HR: variants seen among roughly 807,000 people sequenced by gnomAD.
HR encodes HR lysine demethylase and nuclear receptor corepressor, also known as lysine-specific demethylase hairless.
HR carries 83 observed loss-of-function variants against 128.6 expected under a neutral mutation model. The observed-to-expected ratio is 0.65, with a 90% confidence interval of 0.54 to 0.77. The LOEUF (loss-of-function observed/expected upper bound fraction) is 0.77. Among genes scored for constraint, HR ranks in the 30% least tolerant of loss-of-function variants. HR has a pLI of 0.00. For missense variants in HR, 1,490 were observed against 1,574.6 expected (o/e 0.95, Z 0.91); for synonymous variants, 681 against 658.2 (o/e 1.03, Z -0.53).
In HR at chr8:22,128,995, G is replaced by A. The variant is rs1157499508; in HGVS notation, c.176C>T (p.Ser59Phe). Residue 59 changes from serine to phenylalanine, a missense_variant, in exon 2 of 19, where the codon TCC becomes TTC. Coordinates refer to ENST00000381418, the MANE Select transcript of HR (RefSeq NM_005144.5). Reference sequence around the variant, plus strand: ...CTGGGGGAAGCCAGGGGGAAGCCAGGAGTCTGGGGTGCTCAGGACGCCCCT... The same window carrying A: ...CTGGGGGAAGCCAGGGGGAAGCCAGAAGTCTGGGGTGCTCAGGACGCCCCT... ...FWRGVLSTPDSWLPPGFPQGP... is the reference protein window; with the variant it reads ...FWRGVLSTPDFWLPPGFPQGP... 6.2e-7 allele frequency: 1 copy of A among 1,613,046 alleles called. No homozygotes were observed. The highest frequency in any genetic ancestry group is 1.7e-5 in the Admixed American group (1 of 60,000).
In HR at chr8:22,115,741, C is replaced by G. The variant is rs780044582; in HGVS notation, c.3529G>C (p.Ala1177Pro). 9 of 1,613,988 alleles carry G rather than the reference C, an allele frequency of 5.6e-6. No homozygotes were observed. Among genetic ancestry groups the G allele is most frequent in the Non-Finnish European group, 7.6e-6 (9 of 1,180,004 alleles). The change falls in exon 19 of 19, where the codon GCA becomes CCA. Residue 1177 changes from alanine (A) to proline (P), a missense_variant. Physicochemically the swap from Ala to Pro is conservative, Grantham distance 27 (BLOSUM62 -1). This residue lies in a region of HR where 423 missense variants were observed against 495.9 expected (regional missense o/e 0.85). Coordinates refer to ENST00000381418, the MANE Select transcript of HR (RefSeq NM_005144.5). ...YAQMDWAVFQ[A>P]VKVAVGTLQE... ...AATGTCCCCACGGCCACCTTCACTG[C>G]TTGGAACACAGCCCAGTCCATCTAG...
intron 2 of HR, 71 bp from the exon 3 acceptor site, chr8:22,127,900 G>A (rs1200501697): frequency 7.1e-7 from 1 of 1,415,232 alleles, no homozygotes; most frequent in Admixed American, 1.7e-5. Context: ...GGGCAGAACT[G>A]ACAAGCAAGA....
chr8:22,115,615 T>A lies in HR; in HGVS notation c.*85A>T. 1.7e-6 allele frequency: 2 copies of A among 1,152,630 alleles called. No homozygotes were observed. Among genetic ancestry groups the A allele is most frequent in the Non-Finnish European group, 2.6e-6 (2 of 765,518 alleles). The allele number at this position is 1,152,630 out of a possible 1,614,324, so 71.4% of individuals were successfully genotyped here. ...GTTGACCAGAAATCCCCAAGTCCCC[T>A]AGCGCCATCCCCTGCTGAAGTTGTG... On this transcript the variant is annotated 3_prime_UTR_variant, in exon 19 of 19. Transcript: ENST00000381418.
rs770918974 is a variant in HR, at chr8:22,128,601, C to T, written c.570G>A (p.Gly190=). The T allele has an allele frequency of 1.9e-6, 3 of 1,608,822 alleles. No homozygotes were observed. Among genetic ancestry groups the T allele is most frequent in the South Asian group, 1.1e-5 (1 of 89,916 alleles). ...PLTPHPWVYS[G]GQPKVPSAFS... ...AGGCAGAGGGCACTTTGGGCTGGCC[C>T]CCGGAGTATACCCAGGGGTGCGGGG... is the stretch of plus-strand genomic sequence containing the variant. Residue 190 remains glycine, a synonymous_variant, in exon 2 of 19, where the codon GGG becomes GGA. Transcript: ENST00000381418.
At position 22,116,463 on chromosome 8, in the gene HR, A is replaced by G. The variant is rs774645701; in HGVS notation, c.3379-35T>C. On this transcript the variant is annotated intron_variant, in intron 17 of 18. Coordinates refer to ENST00000381418, the MANE Select transcript of HR (RefSeq NM_005144.5). The surrounding 1 kb of genome is among the most constrained non-coding windows in gnomAD (Gnocchi z 4.2). Reference sequence around the variant, plus strand: ...GGGGACATGGACAGTGAGGCTCAAGATCACACATCCTCTCCCTGTCCCCCT... The same window carrying G: ...GGGGACATGGACAGTGAGGCTCAAGGTCACACATCCTCTCCCTGTCCCCCT... 1 of 1,608,422 alleles carries G rather than the reference A, an allele frequency of 6.2e-7. No homozygotes were observed. Among genetic ancestry groups the G allele is most frequent in the Admixed American group, 1.7e-5 (1 of 59,510 alleles).
intron 14 of HR, 50 bp from the exon 15 acceptor site, chr8:22,119,333 G>T (rs776619623): frequency 6.2e-7 from 1 of 1,611,038 alleles, no homozygotes; most frequent in Non-Finnish European, 8.5e-7. Context: ...AGAGAGCCAG[G>T]CGCGGTTGCT....
Position 22,123,801 on chromosome 8 carries a change from G to A in HR, c.1763C>T (p.Ala588Val), listed in dbSNP as rs1345142472. 2 of 1,600,338 alleles carry A rather than the reference G, an allele frequency of 1.2e-6. No homozygotes were observed. The highest frequency in any genetic ancestry group is 1.1e-5 in the South Asian group (1 of 89,028). Residue 588 changes from alanine to valine, a missense_variant, in exon 6 of 19, where the codon GCC becomes GTC. Physicochemically the swap from Ala to Val is moderately conservative, Grantham distance 64. Around this residue, in one of 3 missense-constraint regions of HR, gnomAD observed 1,060 missense variants for 1,060.9 expected, o/e 1.00. Transcript: ENST00000381418. ...AWAQREGQGP[A>V]VTEDSPGIPR... is the part of the protein sequence containing the mutation. ...AATGCCTGGGCTGTCCTCTGTCACG[G>A]CTGGCCCTTGGCCTGCTGACCACGG...
chr8:22,120,623 C>A (rs1216476445), intron 11 of HR, 93 bp downstream of exon 11: 3 of 1,572,482 alleles, frequency 1.9e-6, no homozygotes, highest in Non-Finnish European at 2.6e-6. Flanking sequence ...CCTGCTCCCC[C>A]TGAGCCACTG....
rs942852585 is a variant in HR, at chr8:22,115,126, G to A, written c.*574C>T. 1 of 162,298 alleles carries A rather than the reference G, an allele frequency of 6.2e-6. No homozygotes were observed. The highest frequency in any genetic ancestry group is 2.4e-5 in the African/African-American group (1 of 41,694). 10.1% of individuals were successfully genotyped at this position (162,298 alleles called of 1,614,324 possible). ...AGGAGGGAAGCGGGCGGACCGGGAA[G>A]GGGCTGAGTGACATCGCCCATGCCG... On this transcript the variant is annotated 3_prime_UTR_variant, in exon 19 of 19. Coordinates refer to ENST00000381418, the MANE Select transcript of HR (RefSeq NM_005144.5).
At chr8:22,126,797 A>G (rs1826903012) in intron 3 of HR, among the ~76,000 whole-genome samples, 1 of 152,228 alleles carries the variant, frequency 6.6e-6, no homozygotes, top group Non-Finnish European at 1.5e-5. Context: ...GCTCTGAACT[A>G]TGTCATTATA....
chr8:22,121,628 T>C lies in HR; in HGVS notation c.2188A>G (p.Lys730Glu). The C allele has an allele frequency of 1.2e-6, 2 of 1,614,132 alleles. No individual in the cohort carries two copies. The highest frequency in any genetic ancestry group is 8.5e-7 in the Non-Finnish European group (1 of 1,180,028). ...PSCNGDTHRT[K>E]SIKEETPDSA... ...AGCCGCTCACCCTCTTTGATGCTCTTGGTCCTGTGGGTGTCGCCATTGCAG... is the reference window on the plus strand; with the variant it reads ...AGCCGCTCACCCTCTTTGATGCTCTCGGTCCTGTGGGTGTCGCCATTGCAG... The change falls in exon 9 of 19, where the codon AAG (lysine) becomes GAG (glutamate). Residue 730 changes from lysine (K) to glutamate (E), a missense_variant. Around this residue, in one of 3 missense-constraint regions of HR, gnomAD observed 1,060 missense variants for 1,060.9 expected, o/e 1.00. Coordinates refer to ENST00000381418, the MANE Select transcript of HR (RefSeq NM_005144.5).
At position 22,127,430 on chromosome 8, in the gene HR, G is replaced by A. The variant is rs1053514161; in HGVS notation, c.1012C>T (p.Leu338Phe). 1 of 1,612,740 alleles carries A rather than the reference G, an allele frequency of 6.2e-7. No individual in the cohort carries two copies. Residue 338 changes from leucine (L) to phenylalanine (F), a missense_variant, in exon 3 of 19, where the codon CTT becomes TTT. Physicochemically the swap from Leu to Phe is conservative, Grantham distance 22. Coordinates refer to ENST00000381418, the MANE Select transcript of HR (RefSeq NM_005144.5). Reference sequence around the variant, plus strand: ...TCCTGGCACTTCCCACAAGGGCCAAGACCCCCACCTTTAGTGGGTGGGTAG... The same window carrying A: ...TCCTGGCACTTCCCACAAGGGCCAAAACCCCCACCTTTAGTGGGTGGGTAG... ...SSYPPTKGGG[L>F]GPCGKCQEGL...
rs1220124399 is a variant in HR, at chr8:22,120,535, A to G, written c.2611-28T>C. The G allele has an allele frequency of 2.5e-6, 4 of 1,612,566 alleles. No homozygotes were observed. The African/African-American group carries it at 5.3e-5, about 22-fold the overall frequency. On this transcript the variant is annotated intron_variant, in intron 11 of 18. Transcript: ENST00000381418. ...GTGGTGGGAAAGGAAGGAGGCCATG[A>G]GGAGAATGGCCAGGGTGCCCGCCAT...
Position 22,116,819 on chromosome 8 carries a change from TG to T in HR, c.3378+55del. ...GATGTTGGATGCCTGCGGCCTTGAT[TG>T]GGTCGCTTCTGCCATCCTGATCTCC... On this transcript the variant is annotated intron_variant, in intron 17 of 18. Transcript: ENST00000381418. This position sits in a 1 kb window ranked among gnomAD's most constrained non-coding sequence, Gnocchi z 4.2. The T allele has an allele frequency of 6.5e-7, 1 of 1,540,902 alleles. No homozygotes were observed.
Position 22,115,604 on chromosome 8 carries a change from C to T in HR, c.*96G>A, listed in dbSNP as rs1056944954. ...GTGCTTGTGGGGTTGACCAGAAATC[C>T]CCAAGTCCCCTAGCGCCATCCCCTG... On this transcript the variant is annotated 3_prime_UTR_variant, in exon 19 of 19. Coordinates refer to ENST00000381418, the MANE Select transcript of HR (RefSeq NM_005144.5). 9.2e-7 allele frequency: 1 copy of T among 1,092,560 alleles called. No homozygotes were observed. The highest frequency in any genetic ancestry group is 1.4e-6 in the Non-Finnish European group (1 of 716,640). The allele number at this position is 1,092,560 out of a possible 1,614,324, so 67.7% of individuals were successfully genotyped here. A position where few individuals can be genotyped will look rare whatever the true frequency, so the allele number is the denominator to read the frequency against.
In HR at chr8:22,119,083, C is replaced by G; in HGVS notation, c.3098-18G>C. 4.3e-6 allele frequency: 7 copies of G among 1,613,570 alleles called. No individual in the cohort carries two copies. Among genetic ancestry groups the G allele is most frequent in the Non-Finnish European group, 5.9e-6 (7 of 1,179,930 alleles). ...AAGGAAGTCTGAGGAGGAAAGAGCGCTCAGGCAGGCCCAGGGCTGGTGGCG... is the reference window on the plus strand; with the variant it reads ...AAGGAAGTCTGAGGAGGAAAGAGCGGTCAGGCAGGCCCAGGGCTGGTGGCG... On this transcript the variant is annotated intron_variant, in intron 15 of 18. Coordinates refer to ENST00000381418, the MANE Select transcript of HR (RefSeq NM_005144.5).
Position 22,127,758 on chromosome 8 carries a change from C to T in HR, c.684G>A (p.Leu228=), listed in dbSNP as rs776417568. ...KEPLAAAEPG[L]FGLNSGGHLQ... ...GGTGCCCACCAGAGTTTAAGCCAAA[C>T]AACCCAGGTTCCGCAGCTGCCAAGG... The change falls in exon 3 of 19, where the codon TTG becomes TTA. Residue 228 remains leucine (L), a synonymous_variant. Coordinates refer to ENST00000381418, the MANE Select transcript of HR (RefSeq NM_005144.5). The T allele has an allele frequency of 6.2e-7, 1 of 1,602,170 alleles. No homozygotes were observed. Among genetic ancestry groups the T allele is most frequent in the South Asian group, 1.1e-5 (1 of 91,086 alleles).
chr8:22,128,475 A>C, intron 2 of HR, 84 bp downstream of exon 2: 2 of 1,572,300 alleles, frequency 1.3e-6, no homozygotes, highest in South Asian at 1.2e-5. Context: ...TTCTCTTTTC[A>C]TCACAGTGGA....
At chr8:22,127,009 GGCCTGC>G in intron 3 of HR, 22 bp downstream of exon 3, 1 of 1,601,122 alleles carries the variant, frequency 6.2e-7, no homozygotes, top group South Asian at 1.1e-5. Flanking sequence ...TCCCACGCAG[GGCCTGC>G]AGCCCCTCCT....
Sources: allele counts gnomAD v4.1 joint callset (sites outside exome capture counted in the v4.1 genomes callset), GRCh38; gene constraint gnomAD v4.1.1; regional missense constraint gnomAD v4.1.1; non-coding constraint Gnocchi (gnomAD v3.1); transcripts MANE v1.5; gene names NCBI Gene and HGNC (gene_info 2026-07-23, HGNC 2026-07-21).